Variants in TMEM181 observed in about 807,000 individuals in gnomAD.
The protein encoded by TMEM181 is G protein-coupled receptor 178.
A neutral mutation model predicts 71.9 loss-of-function variants in TMEM181; 39 were observed. The observed-to-expected ratio is 0.54, with a 90% CI of 0.42 to 0.71. The LOEUF (loss-of-function observed/expected upper bound fraction) is 0.71. Among genes scored for constraint, TMEM181 ranks in the 30% least tolerant of loss-of-function variants. The pLI is 0.00. For synonymous variants in TMEM181, 245 were observed against 228.8 expected, an observed-to-expected ratio of 1.07 and a Z score of -0.64; for missense variants, 595 against 583.0, an observed-to-expected ratio of 1.02 and a Z score of -0.21.
At chr6:158,568,301 T>C (rs1428854976) in intron 1 of TMEM181, among the ~76,000 whole-genome samples, 1 of 152,028 alleles carries the variant, frequency 6.6e-6, no homozygotes, top group Non-Finnish European at 1.5e-5. Context: ...CTGTAGGGCT[T>C]CTAGGTGAAA....
intron 7 of TMEM181, among the ~76,000 whole-genome samples, chr6:158,607,038 C>T (rs541253608): frequency 5.3e-5 from 8 of 152,338 alleles, no homozygotes; most frequent in South Asian, 4.1e-4. Context: ...GGCTTCTCTG[C>T]AGAAAGTAAC....
At chr6:158,539,495 T>TAA in intron 1 of TMEM181, among the ~76,000 whole-genome samples, 1 of 152,202 alleles carries the variant, frequency 6.6e-6, no homozygotes, top group Non-Finnish European at 1.5e-5. Flanking sequence ...ATTGGTGGTT[T>TAA]ATGAGTAAAA....
At position 158,631,989 on chromosome 6, in the gene TMEM181, A is replaced by G; in HGVS notation, c.*101A>G. On this transcript the variant is annotated 3_prime_UTR_variant, in exon 17 of 17. Transcript: ENST00000684151. ...ATATTCAGATTTTTCTTACAAGCAG[A>G]GATTTCCTGTTCATTTGTTTACATA... 8.9e-7 allele frequency: 1 copy of G among 1,126,988 alleles called. No homozygotes were observed. Among genetic ancestry groups the G allele is most frequent in the Non-Finnish European group, 1.3e-6 (1 of 784,664 alleles). 69.8% of individuals were successfully genotyped at this position (1,126,988 alleles called of 1,614,324 possible).
Position 158,605,275 on chromosome 6 carries a change from T to G in TMEM181, c.501T>G (p.Thr167=), listed in dbSNP as rs1784893288. 6.2e-7 allele frequency: 1 copy of G among 1,613,984 alleles called. No homozygotes were observed. Among genetic ancestry groups the G allele is most frequent in the South Asian group, 1.1e-5 (1 of 91,076 alleles). The change falls in exon 7 of 17, where the codon ACT becomes ACG. Residue 167 remains threonine, a synonymous_variant. Coordinates refer to ENST00000684151, the MANE Select transcript of TMEM181 (RefSeq NM_001376852.1). ...TCCACTTTCTATTTTAGTGGAAGAC[T>G]TATAACCCTGCCTTCTCCCGGTTGG... is the stretch of plus-strand genomic sequence containing the variant. ...PIKGMNFTWK[T]YNPAFSRLEI...
At chr6:158,608,625 C>G in intron 9 of TMEM181, 34 bp from the exon 10 acceptor site, 2 of 1,599,906 alleles carry the variant, frequency 1.3e-6, no homozygotes, top group Non-Finnish European at 1.7e-6. Context: ...ATTTGGTTTT[C>G]TTTATTTCTT....
chr6:158,585,470 A>T (rs373058809), intron 5 of TMEM181, 45 bp downstream of exon 5: 12 of 1,447,242 alleles, frequency 8.3e-6, no homozygotes, highest in Non-Finnish European at 1.0e-5. Context: ...CAGGCTGTGT[A>T]CACGTTTAAT....
chr6:158,551,479 CAAT>C (rs1353247165), intron 1 of TMEM181, among the ~76,000 whole-genome samples: 1 of 152,062 alleles, frequency 6.6e-6, no homozygotes, highest in Non-Finnish European at 1.5e-5. Context: ...CAAATCAAAA[CAAT>C]AACTGTGGAT....
Position 158,634,848 on chromosome 6 carries a change from A to G in TMEM181, c.*2960A>G, listed in dbSNP as rs983665398. The G allele has an allele frequency of 3.3e-5, 5 of 152,244 alleles. No homozygotes were observed. Among genetic ancestry groups the G allele is most frequent in the African/African-American group, 9.6e-5 (4 of 41,468 alleles). 9.4% of individuals were successfully genotyped at this position (152,244 alleles called of 1,614,324 possible). On this transcript the variant is annotated 3_prime_UTR_variant, in exon 17 of 17. Transcript: ENST00000684151. ...TGAGGGTAGTTATGTTAAATAGATT[A>G]TAATGTGGTAAATTATTTCCTGAAT...
intron 9 of TMEM181, 42 bp from the exon 10 acceptor site, chr6:158,608,617 T>C: frequency 1.3e-6 from 2 of 1,597,704 alleles, no homozygotes; most frequent in Non-Finnish European, 1.7e-6. Context: ...AATTACCAAT[T>C]TGGTTTTCTT....
chr6:158,600,458 A>ATTTTTTTTTTTT lies in TMEM181; in HGVS notation c.493-4792_493-4781dup, dbSNP rs61457107. ...AGTCACCGTGCCTGGCCTAGGGTTA[A>ATTTTTTTTTTTT]TTTTTTTTTTTTTTTTTTTTTTTTT... On this transcript the variant is annotated intron_variant, in intron 6 of 16. Coordinates refer to ENST00000684151, the MANE Select transcript of TMEM181 (RefSeq NM_001376852.1). 4.9e-4 allele frequency among the ~76,000 whole-genome samples: 45 copies of ATTTTTTTTTTTT among 91,870 alleles called. 3 individuals carry two copies. Among genetic ancestry groups the ATTTTTTTTTTTT allele is most frequent in the South Asian group, 1.2e-3 (3 of 2,434 alleles). 60.3% of individuals were successfully genotyped at this position (91,870 alleles called of 152,430 possible). A position where few individuals can be genotyped will look rare whatever the true frequency, so the allele number is the denominator to read the frequency against.
At chr6:158,618,699 ATC>A (rs1785771750) in intron 10 of TMEM181, among the ~76,000 whole-genome samples, 1 of 152,120 alleles carries the variant, frequency 6.6e-6, no homozygotes, top group Admixed American at 6.6e-5. Flanking sequence ...GGTGACAAAA[ATC>A]TCTCAGCATT....
intron 1 of TMEM181, among the ~76,000 whole-genome samples, chr6:158,562,479 G>A (rs1419426203): frequency 2.7e-5 from 2 of 73,478 alleles, no homozygotes; most frequent in African/African-American, 6.0e-5. Context: ...TGTGTGTCTT[G>A]CTTGGCACGT....
At chr6:158,579,532 C>T (rs1783353861) in intron 2 of TMEM181, among the ~76,000 whole-genome samples, 1 of 134,162 alleles carries the variant, frequency 7.5e-6, no homozygotes, top group Non-Finnish European at 1.6e-5. Context: ...CCAGCCTGGC[C>T]AACATGATGA....
chr6:158,549,952 C>A (rs1450278835), intron 1 of TMEM181, among the ~76,000 whole-genome samples: 1 of 110,860 alleles, frequency 9.0e-6, no homozygotes, highest in African/African-American at 3.6e-5. Flanking sequence ...TTTGTCAGGA[C>A]TTTTTTTTTT....
chr6:158,557,505 A>ATTAATTTAT (rs1554301648), upstream of TMEM181, among the ~76,000 whole-genome samples: 1 of 146,834 alleles, frequency 6.8e-6, no homozygotes, highest in African/African-American at 2.5e-5. Flanking sequence ...CACAGCTGTA[A>ATTAATTTAT]TTATTTATTT....
chr6:158,634,892 CACAG>C lies in TMEM181; in HGVS notation c.*3007_*3010del, dbSNP rs1786861433. On this transcript the variant is annotated 3_prime_UTR_variant, in exon 17 of 17. Transcript: ENST00000684151. ...CCTGAATCCTTTATCACAGGAAAAA[CACAG>C]ACCCTCATAAAAGGGATAATTAAAA... The C allele has an allele frequency of 6.6e-6, 1 of 151,966 alleles. No individual in the cohort carries two copies. Among genetic ancestry groups the C allele is most frequent in the Admixed American group, 6.6e-5 (1 of 15,256 alleles). 9.4% of individuals were successfully genotyped at this position (151,966 alleles called of 1,614,324 possible).
chr6:158,566,219 C>T (rs554421973), intron 1 of TMEM181, among the ~76,000 whole-genome samples: 1 of 152,030 alleles, frequency 6.6e-6, no homozygotes, highest in Non-Finnish European at 1.5e-5. Context: ...GCTTGATAGC[C>T]AAACGGGCAT....
At chr6:158,561,195 G>GTGAC (rs1782153683) in intron 1 of TMEM181, among the ~76,000 whole-genome samples, 1 of 152,262 alleles carries the variant, frequency 6.6e-6, no homozygotes. Context: ...GGTCAGAGAA[G>GTGAC]TGACACCCAG....
chr6:158,589,637 T>C (rs779902732), intron 5 of TMEM181, 35 bp from the exon 6 acceptor site: 43 of 1,565,098 alleles, frequency 2.7e-5, no homozygotes, highest in Non-Finnish European at 3.4e-5. Context: ...TGAGTCTCGC[T>C]TTCTTTAAAG....
Sources: allele counts gnomAD v4.1 joint callset (sites outside exome capture counted in the v4.1 genomes callset), GRCh38; gene constraint gnomAD v4.1.1; transcripts MANE v1.5; gene names NCBI Gene and HGNC (gene_info 2026-07-23, HGNC 2026-07-21).